ANKRD33B: variants seen among roughly 807,000 people sequenced by gnomAD.
ANKRD33B encodes ankyrin repeat domain-containing protein 33B.
ANKRD33B carries 6 observed loss-of-function variants against 21.5 expected under a neutral mutation model. That is an observed-to-expected ratio of 0.28 (90% CI 0.15 to 0.55). ANKRD33B has a LOEUF of 0.55. ANKRD33B is among the 20% of genes least tolerant of loss of function. The probability of loss-of-function intolerance (pLI) is 0.94; values close to 1 mark genes in which losing one functional copy is unlikely to be tolerated. For synonymous variants in ANKRD33B, 347 were observed against 342.4 expected, an observed-to-expected ratio of 1.01 and a Z score of -0.15; for missense variants, 698 against 747.2, an observed-to-expected ratio of 0.93 and a Z score of 0.77.
chr5:10,585,734 G>A (rs1484738195), intron 1 of ANKRD33B, among the ~76,000 whole-genome samples: 3 of 152,230 alleles, frequency 2.0e-5, no homozygotes, highest in Non-Finnish European at 4.4e-5. Context: ...ACCATGCTGG[G>A]TGAGGGCGCT....
At chr5:10,615,964 C>T (rs1028573312) in intron 1 of ANKRD33B, among the ~76,000 whole-genome samples, 2 of 152,126 alleles carry the variant, frequency 1.3e-5, no homozygotes, top group Admixed American at 6.5e-5. Flanking sequence ...GTAGAGCCTG[C>T]CTGCAGCCCA....
intron 1 of ANKRD33B, among the ~76,000 whole-genome samples, chr5:10,600,047 G>T (rs554181134): frequency 1.1e-4 from 16 of 152,324 alleles, no homozygotes; most frequent in African/African-American, 3.8e-4. Context: ...CCTGATAGGG[G>T]TGAAGTGATT....
At chr5:10,588,447 A>C (rs994620418) in intron 1 of ANKRD33B, among the ~76,000 whole-genome samples, 2 of 152,228 alleles carry the variant, frequency 1.3e-5, no homozygotes, top group African/African-American at 4.8e-5. Context: ...ACATCTTTGT[A>C]CAGAAACCTA....
intron 1 of ANKRD33B, among the ~76,000 whole-genome samples, chr5:10,566,053 C>T (rs1156997431): frequency 3.9e-5 from 6 of 152,074 alleles, no homozygotes; most frequent in Non-Finnish European, 5.9e-5. Context: ...ACATTGCCCC[C>T]GTGATTCAAT....
chr5:10,634,058 A>G (rs1736798753), intron 2 of ANKRD33B, among the ~76,000 whole-genome samples: 1 of 152,202 alleles, frequency 6.6e-6, no homozygotes, highest in African/African-American at 2.4e-5. Context: ...AGATTTTTCT[A>G]TTCTGCTGGG....
rs1737323346 is a variant in ANKRD33B at position 10,650,419 on chromosome 5, T to G, written c.*306T>G. 4.6e-6 allele frequency: 1 copy of G among 216,484 alleles called. No homozygotes were observed. The highest frequency in any genetic ancestry group is 5.9e-5 in the Admixed American group (1 of 17,076). 13.4% of individuals were successfully genotyped at this position (216,484 alleles called of 1,614,324 possible). On this transcript the variant is annotated 3_prime_UTR_variant, in exon 4 of 4. Transcript: ENST00000296657. ...AAGATCAATTTATCAAAGGGCGTTT[T>G]CTCCGTAATTTTGTATTTTTAATCA...
intron 1 of ANKRD33B, among the ~76,000 whole-genome samples, chr5:10,586,009 C>G (rs1051842784): frequency 1.1e-4 from 17 of 152,214 alleles, no homozygotes; most frequent in Non-Finnish European, 1.2e-4. Context: ...AAGGACCCAA[C>G]AGGCAGCAAC....
At chr5:10,591,088 C>T (rs2126560712) in intron 1 of ANKRD33B, among the ~76,000 whole-genome samples, 1 of 152,086 alleles carries the variant, frequency 6.6e-6, no homozygotes, top group Non-Finnish European at 1.5e-5. Flanking sequence ...AATTTTTATA[C>T]AGTCAGATGT....
intron 2 of ANKRD33B, among the ~76,000 whole-genome samples, chr5:10,630,540 G>A (rs1386381930): frequency 6.6e-6 from 1 of 152,176 alleles, no homozygotes; most frequent in Non-Finnish European, 1.5e-5. Flanking sequence ...CCTTCTGAAG[G>A]TTCACTAAAA....
intron 2 of ANKRD33B, chr5:10,627,166 C>G (rs190602548): frequency 6.6e-6 from 1 of 152,192 alleles, no homozygotes; most frequent in African/African-American, 2.4e-5. Context: ...CATGTAATCC[C>G]TAAGTCTCAT....
chr5:10,607,509 A>G (rs757798521), intron 1 of ANKRD33B, among the ~76,000 whole-genome samples: 5 of 152,220 alleles, frequency 3.3e-5, no homozygotes, highest in Non-Finnish European at 7.3e-5. Flanking sequence ...GGGAAATGCA[A>G]TTTTACCAAG....
At chr5:10,605,269 A>G (rs1201569529) in intron 1 of ANKRD33B, among the ~76,000 whole-genome samples, 1 of 152,188 alleles carries the variant, frequency 6.6e-6, no homozygotes, top group East Asian at 1.9e-4. Flanking sequence ...CTCCTGCCAT[A>G]TGGGGCCAGC....
rs1300756453 is a variant in ANKRD33B at position 10,564,708 on chromosome 5, G to C, written c.241G>C (p.Glu81Gln). 2 of 1,533,616 alleles carry C rather than the reference G, an allele frequency of 1.3e-6. No homozygotes were observed. The highest frequency in any genetic ancestry group is 2.7e-5 in the African/African-American group (2 of 72,962). Reference protein sequence around the residue: ...SAESVPEGVPESVPETATLLR... With the variant: ...SAESVPEGVPQSVPETATLLR... The stretch of plus-strand genomic sequence containing the variant: ...GGAGAGCGTCCCGGAGGGCGTCCCG[G>C]AAAGCGTCCCGGAGACGGCGACCCT... The change falls in exon 1 of 4, where the codon GAA becomes CAA. Residue 81 changes from glutamate (E) to glutamine (Q), a missense_variant. Around this residue, in one of 3 missense-constraint regions of ANKRD33B, gnomAD observed 148 missense variants for 154.9 expected, o/e 0.96. Coordinates refer to ENST00000296657, the MANE Select transcript of ANKRD33B (RefSeq NM_001164440.2).
intron 2 of ANKRD33B, among the ~76,000 whole-genome samples, chr5:10,625,371 T>A (rs147737300): frequency 1.9e-3 from 297 of 152,358 alleles, no homozygotes; most frequent in African/African-American, 7.0e-3. Flanking sequence ...AGGAGTCACC[T>A]CTTCAGACCT....
At position 10,593,977 on chromosome 5, in the gene ANKRD33B, C is replaced by G. The variant is rs142512069; in HGVS notation, c.367-24356C>G. 5.8e-3 allele frequency among the ~76,000 whole-genome samples: 881 copies of G among 152,322 alleles called. 7 individuals are homozygous for G. Among genetic ancestry groups the G allele is most frequent in the African/African-American group, 0.02 (835 of 41,552 alleles). On this transcript the variant is annotated intron_variant, in intron 1 of 3. Coordinates refer to ENST00000296657, the MANE Select transcript of ANKRD33B (RefSeq NM_001164440.2). ...GGCAAGGCAGAACCTGTCCCAGAGT[C>G]TCTGCAGTGAGCAAAGCCTAGAGAC... is the stretch of plus-strand genomic sequence containing the variant.
chr5:10,655,344 A>T lies in ANKRD33B; in HGVS notation c.*5231A>T, dbSNP rs1737459057. ...GTGCGTACCGAGTGATTATGATGAA[A>T]CGTATCCCAGAGAGGAAATGAATGG... On this transcript the variant is annotated 3_prime_UTR_variant, in exon 4 of 4. Coordinates refer to ENST00000296657, the MANE Select transcript of ANKRD33B (RefSeq NM_001164440.2). 6.6e-6 allele frequency: 1 copy of T among 152,272 alleles called. No individual in the cohort carries two copies. The highest frequency in any genetic ancestry group is 2.4e-5 in the African/African-American group (1 of 41,396). The allele number at this position is 152,272 out of a possible 1,614,324, so 9.4% of individuals were successfully genotyped here.
In ANKRD33B at chr5:10,656,301, G is replaced by GT. The variant is rs1175960661; in HGVS notation, c.*6188_*6189insT. ...AGCGACTCAGCTGAAAGCCGGTGTT[G>GT]CATACACAATTTCCTCACGCTGACC... On this transcript the variant is annotated 3_prime_UTR_variant, in exon 4 of 4. Transcript: ENST00000296657. The GT allele has an allele frequency of 2.0e-5, 3 of 152,400 alleles. No homozygotes were observed. The highest frequency in any genetic ancestry group is 4.4e-5 in the Non-Finnish European group (3 of 68,038). 9.4% of individuals were successfully genotyped at this position (152,400 alleles called of 1,614,324 possible).
intron 1 of ANKRD33B, among the ~76,000 whole-genome samples, chr5:10,570,238 A>C (rs908706965): frequency 1.3e-5 from 2 of 152,182 alleles, no homozygotes; most frequent in African/African-American, 4.8e-5. Context: ...TGCCTACCAA[A>C]TAGCTACAAA....
chr5:10,599,910 C>A (rs1045687635), intron 1 of ANKRD33B, among the ~76,000 whole-genome samples: 1 of 152,244 alleles, frequency 6.6e-6, no homozygotes, highest in Non-Finnish European at 1.5e-5. Flanking sequence ...AACAACCAAG[C>A]TATTTTCCAC....
Sources: allele counts gnomAD v4.1 joint callset (sites outside exome capture counted in the v4.1 genomes callset), GRCh38; gene constraint gnomAD v4.1.1; regional missense constraint gnomAD v4.1.1; transcripts MANE v1.5; gene names NCBI Gene and HGNC (gene_info 2026-07-23, HGNC 2026-07-21).